The following LUZP2 variants were observed in gnomAD, a reference collection of about 807,000 sequenced individuals.
LUZP2 encodes leucine zipper protein 2.
A neutral mutation model predicts 51.6 loss-of-function variants in LUZP2; 52 were observed. The observed-to-expected ratio is 1.01, with a 90% CI of 0.81 to 1.27. LUZP2 has a LOEUF of 1.27. Among genes scored for constraint, LUZP2 ranks in the 50% most tolerant of loss-of-function variants. The pLI is 0.00. For missense variants in LUZP2, 436 were observed against 395.4 expected, an observed-to-expected ratio of 1.10 and a Z score of -0.87; for synonymous variants, 154 against 137.3, an observed-to-expected ratio of 1.12 and a Z score of -0.85.
intron 1 of LUZP2, among the ~76,000 whole-genome samples, chr11:24,532,778 T>C (rs991485815): frequency 1.3e-5 from 2 of 151,058 alleles, no homozygotes; most frequent in African/African-American, 4.8e-5. Context: ...AGTTAAAATA[T>C]TAAGGTTTCC....
intron 1 of LUZP2, among the ~76,000 whole-genome samples, chr11:24,566,756 ATATT>A (rs1364557450): frequency 6.8e-6 from 1 of 146,608 alleles, no homozygotes; most frequent in African/African-American, 2.5e-5. Flanking sequence ...GTATGTATAC[ATATT>A]TATGTATAAG....
At chr11:24,866,834 A>G (rs1030072929) in intron 5 of LUZP2, among the ~76,000 whole-genome samples, 2 of 152,152 alleles carry the variant, frequency 1.3e-5, no homozygotes, top group Non-Finnish European at 2.9e-5. Flanking sequence ...AGTGGAAAAA[A>G]TGTAATCATC....
intron 1 of LUZP2, among the ~76,000 whole-genome samples, chr11:24,722,043 A>G (rs979885652): frequency 2.6e-5 from 4 of 152,204 alleles, no homozygotes; most frequent in Admixed American, 2.0e-4. Flanking sequence ...GGATTTAATT[A>G]TATGTTCCCG....
At chr11:24,914,445 T>TA in intron 6 of LUZP2, 31 bp from the exon 7 acceptor site, 2 of 1,509,698 alleles carry the variant, frequency 1.3e-6, no homozygotes, top group Non-Finnish European at 1.8e-6. Flanking sequence ...ATAAATGAGT[T>TA]ACACAACTTA....
At chr11:24,516,789 CA>C (rs148286328) in intron 1 of LUZP2, among the ~76,000 whole-genome samples, 7,959 of 152,140 alleles carry the variant, frequency 0.052, 231 homozygotes, top group Middle Eastern at 0.11. Context: ...ATTAGAGAAA[CA>C]AAAATTACAG....
rs553033470 is a variant in LUZP2, at chr11:24,812,389, C to T, written c.396+49081C>T. Among the ~76,000 whole-genome samples, 3 of 152,268 alleles carry T rather than the reference C, an allele frequency of 2.0e-5. No individual in the cohort carries two copies. The South Asian group carries it at 6.2e-4, about 32-fold the overall frequency. On this transcript the variant is annotated intron_variant, in intron 5 of 11. Coordinates refer to ENST00000336930, the MANE Select transcript of LUZP2 (RefSeq NM_001009909.4). ...CTTCTTCAATTCCCCTTCTGCTTCTCAGCTCATTGTTTACTAGTAAATACA... is the reference window on the plus strand; with the variant it reads ...CTTCTTCAATTCCCCTTCTGCTTCTTAGCTCATTGTTTACTAGTAAATACA...
chr11:24,666,668 A>G (rs527478528), intron 1 of LUZP2, among the ~76,000 whole-genome samples: 1 of 152,290 alleles, frequency 6.6e-6, no homozygotes, highest in African/African-American at 2.4e-5. Flanking sequence ...CCTGGAAGAG[A>G]GGTTCCTCCA....
intron 5 of LUZP2, among the ~76,000 whole-genome samples, chr11:24,821,420 C>T (rs757713278): frequency 1.4e-4 from 21 of 152,194 alleles, no homozygotes; most frequent in Non-Finnish European, 2.5e-4. Context: ...GAGTTCTAAA[C>T]ATTAACACCT....
At chr11:24,665,103 A>T (rs1160270733) in intron 1 of LUZP2, among the ~76,000 whole-genome samples, 2 of 152,212 alleles carry the variant, frequency 1.3e-5, no homozygotes, top group Non-Finnish European at 2.9e-5. Flanking sequence ...CACAGGGCAG[A>T]GCTGCTCAAG....
chr11:24,882,290 T>C (rs1195577789), intron 5 of LUZP2, among the ~76,000 whole-genome samples: 1 of 152,006 alleles, frequency 6.6e-6, no homozygotes, highest in Non-Finnish European at 1.5e-5. Flanking sequence ...TTTAGTAATC[T>C]TTTTAAAAGA....
intron 7 of LUZP2, among the ~76,000 whole-genome samples, chr11:24,964,551 A>G (rs1855526698): frequency 6.6e-6 from 1 of 152,160 alleles, no homozygotes; most frequent in African/African-American, 2.4e-5. Flanking sequence ...TGAGCTGATA[A>G]TATCTGCCTA....
At chr11:24,823,350 A>C (rs1009268038) in intron 5 of LUZP2, among the ~76,000 whole-genome samples, 1 of 151,102 alleles carries the variant, frequency 6.6e-6, no homozygotes, top group African/African-American at 2.4e-5. Context: ...GTGACTGAAG[A>C]GTAGTGGACA....
intron 1 of LUZP2, among the ~76,000 whole-genome samples, chr11:24,612,393 A>C (rs1269327353): frequency 6.6e-6 from 1 of 152,148 alleles, no homozygotes; most frequent in African/African-American, 2.4e-5. Context: ...TATTTGAAAA[A>C]TTAGGCCAAA....
At chr11:24,876,014 G>A (rs1233139028) in intron 5 of LUZP2, among the ~76,000 whole-genome samples, 1 of 151,994 alleles carries the variant, frequency 6.6e-6, no homozygotes, top group Admixed American at 6.6e-5. Flanking sequence ...CCCTTTGTCA[G>A]ATGAGTAGGT....
intron 1 of LUZP2, among the ~76,000 whole-genome samples, chr11:24,711,343 G>A (rs1857815378): frequency 6.6e-6 from 1 of 152,030 alleles, no homozygotes; most frequent in Non-Finnish European, 1.5e-5. Context: ...CCAGCTGCTG[G>A]GGAGGCTGAG....
chr11:24,520,181 G>T (rs1850599339), intron 1 of LUZP2, among the ~76,000 whole-genome samples: 1 of 152,120 alleles, frequency 6.6e-6, no homozygotes, highest in South Asian at 2.1e-4. Flanking sequence ...CAGGTAGAAA[G>T]ACAGCTGTCA....
chr11:24,708,011 A>G (rs1286876270), intron 1 of LUZP2, among the ~76,000 whole-genome samples: 1 of 152,098 alleles, frequency 6.6e-6, no homozygotes. Flanking sequence ...TAATTTAAAG[A>G]GAATGACAGG....
chr11:24,893,376 G>T (rs1020668086), intron 5 of LUZP2: 3 of 151,818 alleles, frequency 2.0e-5, no homozygotes, highest in Admixed American at 6.6e-5. Flanking sequence ...AACAAAAGTA[G>T]CAAAACTCAG....
In LUZP2 at chr11:24,926,282, TA is replaced by T. The variant is rs1327026172; in HGVS notation, c.522+11745del. 2.6e-3 allele frequency among the ~76,000 whole-genome samples: 185 copies of T among 70,268 alleles called. 9 individuals are homozygous for T. Among genetic ancestry groups the T allele is most frequent in the African/African-American group, 8.0e-3 (182 of 22,612 alleles). The allele number at this position is 70,268 out of a possible 152,430, so 46.1% of individuals were successfully genotyped here. ...GTGTGTATATATATACGTGTATATA[TA>T]TATACGTGTGTATATATATACGTGT... On this transcript the variant is annotated intron_variant, in intron 7 of 11. Coordinates refer to ENST00000336930, the MANE Select transcript of LUZP2 (RefSeq NM_001009909.4).
Sources: allele counts gnomAD v4.1 joint callset (sites outside exome capture counted in the v4.1 genomes callset), GRCh38; gene constraint gnomAD v4.1.1; transcripts MANE v1.5; gene names NCBI Gene and HGNC (gene_info 2026-07-23, HGNC 2026-07-21).